The following CNTLN variants were observed in gnomAD, a reference collection of about 807,000 sequenced individuals.
CNTLN encodes centlein, also known as centlein, centrosomal protein.
In CNTLN, 212 loss-of-function variants were observed where a neutral mutation model predicts 180.0. The observed-to-expected ratio is 1.18, with a 90% confidence interval of 1.05 to 1.32. The LOEUF is 1.32. Ranked by LOEUF, CNTLN falls within the 40% of genes most tolerant of loss-of-function variation. CNTLN has a pLI of 0.00. For missense variants in CNTLN, 2,095 were observed against 1,610.9 expected (o/e 1.30, Z -5.14); for synonymous variants, 722 against 563.1 (o/e 1.28, Z -3.99).
intron 15 of CNTLN, among the ~76,000 whole-genome samples, chr9:17,395,382 C>T (rs1442526): frequency 0.82 from 124,334 of 152,020 alleles, 51,331 homozygotes; most frequent in Non-Finnish European, 0.87. Flanking sequence ...TTGATTTAAT[C>T]TGCTGGCCCT....
intron 18 of CNTLN, among the ~76,000 whole-genome samples, chr9:17,416,946 A>C (rs1239835360): frequency 1.3e-5 from 2 of 152,154 alleles, no homozygotes; most frequent in African/African-American, 4.8e-5. Context: ...GTTACACTTA[A>C]ATTCTCTAAT....
intron 25 of CNTLN, among the ~76,000 whole-genome samples, chr9:17,492,190 C>T (rs1833201926): frequency 6.6e-6 from 1 of 151,994 alleles, no homozygotes; most frequent in African/African-American, 2.4e-5. Flanking sequence ...AATGTGATTA[C>T]AGTTAAAAGG....
At position 17,135,213 on chromosome 9, in the gene CNTLN, G is replaced by A. The variant is rs758095116; in HGVS notation, c.148G>A (p.Ala50Thr). 24 of 1,610,274 alleles carry A rather than the reference G, an allele frequency of 1.5e-5. No individual in the cohort carries two copies. Among genetic ancestry groups the A allele is most frequent in the Non-Finnish European group, 2.0e-5 (23 of 1,178,802 alleles). ...GFAGAAREVV[A>T]DESDKIWVGE... ...TGCCGGCGCAGCGCGGGAGGTGGTC[G>A]CGGACGAAAGTGATAAAATCTGGGT... is the stretch of plus-strand genomic sequence containing the variant. Residue 50 changes from alanine to threonine, a missense_variant, in exon 1 of 26, where the codon GCG (alanine) becomes ACG (threonine). Transcript: ENST00000380647.
At chr9:17,385,275 C>T (rs534184009) in intron 13 of CNTLN, among the ~76,000 whole-genome samples, 12 of 152,266 alleles carry the variant, frequency 7.9e-5, no homozygotes, top group Non-Finnish European at 1.3e-4. Context: ...TATGGAGCTT[C>T]CATTAAGTAG....
chr9:17,385,249 A>T (rs989934855), intron 13 of CNTLN, among the ~76,000 whole-genome samples: 10 of 152,004 alleles, frequency 6.6e-5, no homozygotes, highest in Non-Finnish European at 1.0e-4. Flanking sequence ...ATTTCTCCAA[A>T]CTCCACAGAG....
the CNTLN span, among the ~76,000 whole-genome samples, chr9:17,508,971 A>G: frequency 6.6e-6 from 1 of 152,236 alleles, no homozygotes; most frequent in East Asian, 1.9e-4. Context: ...ATCCCATGTC[A>G]TGCTCACCAA....
intron 18 of CNTLN, among the ~76,000 whole-genome samples, chr9:17,452,270 T>A (rs1830830166): frequency 6.6e-6 from 1 of 152,200 alleles, no homozygotes; most frequent in South Asian, 2.1e-4. Context: ...AACATTAAAA[T>A]GTTTACCAGG....
intron 2 of CNTLN, among the ~76,000 whole-genome samples, chr9:17,201,499 GC>G (rs1330065153): frequency 6.6e-6 from 1 of 152,116 alleles, no homozygotes. Context: ...ATTAATTGCT[GC>G]CTCAATTGCA....
chr9:17,374,629 G>A (rs773192663), intron 13 of CNTLN, among the ~76,000 whole-genome samples: 2 of 152,168 alleles, frequency 1.3e-5, no homozygotes, highest in Non-Finnish European at 2.9e-5. Context: ...GGAGGCTGAG[G>A]TGGGTGGATC....
chr9:17,138,768 C>G (rs968106235), intron 1 of CNTLN, among the ~76,000 whole-genome samples: 12 of 152,144 alleles, frequency 7.9e-5, no homozygotes, highest in Non-Finnish European at 7.3e-5. Flanking sequence ...GTTCATTCCT[C>G]CAGTAGAGGT....
Position 17,330,762 on chromosome 9 carries a change from G to A in CNTLN, c.1472G>A (p.Gly491Asp). The A allele has an allele frequency of 3.7e-6, 6 of 1,610,656 alleles. No homozygotes were observed. The highest frequency in any genetic ancestry group is 5.1e-6 in the Non-Finnish European group (6 of 1,178,230). Residue 491 changes from glycine to aspartate, a missense_variant, in exon 9 of 26, where the codon GGT (glycine) becomes GAT (aspartate). By Grantham distance (94) the Gly-to-Asp change is moderately conservative. Coordinates refer to ENST00000380647, the MANE Select transcript of CNTLN (RefSeq NM_017738.4). ...KLSENISANK[G>D]FSRKSIMTSA... ...TCAGAAAACATATCTGCCAACAAGG[G>A]TTTCTCCCGAAAGAGCATCATGACA...
At chr9:17,440,421 C>T (rs867222291) in intron 18 of CNTLN, among the ~76,000 whole-genome samples, 1 of 75,684 alleles carries the variant, frequency 1.3e-5, no homozygotes, top group African/African-American at 4.4e-5. Flanking sequence ...AAATAAAATA[C>T]AAAAAAAAAA....
At chr9:17,335,600 T>G (rs1159176414) in intron 10 of CNTLN, among the ~76,000 whole-genome samples, 4 of 152,128 alleles carry the variant, frequency 2.6e-5, no homozygotes, top group Admixed American at 1.3e-4. Flanking sequence ...TTTTTTCCTG[T>G]TTTCTATTTC....
At chr9:17,432,878 G>A (rs374779709) in intron 18 of CNTLN, among the ~76,000 whole-genome samples, 1 of 151,784 alleles carries the variant, frequency 6.6e-6, no homozygotes, top group Non-Finnish European at 1.5e-5. Context: ...ACAATTAGCC[G>A]GGCATGGTGG....
chr9:17,266,688 T>C (rs1827479737), intron 5 of CNTLN, among the ~76,000 whole-genome samples: 1 of 152,188 alleles, frequency 6.6e-6, no homozygotes, highest in Non-Finnish European at 1.5e-5. Flanking sequence ...TCTTTGTAGG[T>C]TACTCAGGAC....
rs143793569 is a variant in CNTLN, at chr9:17,262,322, A to G, written c.850-11411A>G. Among the ~76,000 whole-genome samples, 412 of 151,702 alleles carry G rather than the reference A, an allele frequency of 2.7e-3. 22 individuals carry two copies. Among genetic ancestry groups the G allele is most frequent in the African/African-American group, 9.6e-3 (395 of 40,982 alleles). The stretch of plus-strand genomic sequence containing the variant: ...GTACAATAGCAAAGACTTGGAACCA[A>G]CCCAAATGCCCATCAGTGATAGACT... On this transcript the variant is annotated intron_variant, in intron 5 of 25. Coordinates refer to ENST00000380647, the MANE Select transcript of CNTLN (RefSeq NM_017738.4).
intron 8 of CNTLN, among the ~76,000 whole-genome samples, chr9:17,318,636 A>T (rs958556684): frequency 6.6e-6 from 1 of 152,220 alleles, no homozygotes; most frequent in African/African-American, 2.4e-5. Context: ...GGCAAGAAAG[A>T]TTATTCTCAC....
intron 18 of CNTLN, among the ~76,000 whole-genome samples, chr9:17,423,601 G>C (rs1279071293): frequency 6.6e-6 from 1 of 152,128 alleles, no homozygotes; most frequent in Non-Finnish European, 1.5e-5. Context: ...TCCAAGCCCA[G>C]CACAGCACCC....
At chr9:17,327,489 CT>C (rs35237954) in intron 8 of CNTLN, among the ~76,000 whole-genome samples, 37,367 of 133,432 alleles carry the variant, frequency 0.28, 5,021 homozygotes, top group South Asian at 0.49. Context: ...CAGCTGTTTC[CT>C]TTTTTTTTTT....
Sources: allele counts gnomAD v4.1 joint callset (sites outside exome capture counted in the v4.1 genomes callset), GRCh38; gene constraint gnomAD v4.1.1; transcripts MANE v1.5; gene names NCBI Gene and HGNC (gene_info 2026-07-23, HGNC 2026-07-21).